The following NINL variants were observed in gnomAD, a reference collection of about 807,000 sequenced individuals.
NINL encodes the protein ninein-like protein.
NINL carries 153 observed loss-of-function variants against 160.3 expected under a neutral mutation model. The observed-to-expected ratio is 0.95, with a 90% CI of 0.84 to 1.09. The LOEUF (loss-of-function observed/expected upper bound fraction) is 1.09, where lower values mean the gene tolerates loss of function less well. NINL is among the 50% of genes least tolerant of loss of function. The pLI is 0.00. For synonymous variants in NINL, 800 were observed against 734.8 expected (o/e 1.09, Z -1.43); for missense variants, 1,829 against 1,764.0 (o/e 1.04, Z -0.66).
chr20:25,520,768 T>C (rs1196300968), intron 2 of NINL, among the ~76,000 whole-genome samples: 2 of 152,264 alleles, frequency 1.3e-5, no homozygotes, highest in African/African-American at 4.8e-5. Flanking sequence ...TCAATCTAAC[T>C]ATGGCTCACT....
intron 1 of NINL, among the ~76,000 whole-genome samples, chr20:25,582,344 A>G (rs901440595): frequency 3.9e-5 from 6 of 152,080 alleles, no homozygotes; most frequent in African/African-American, 1.4e-4. Context: ...AATTTGATGG[A>G]GTTAAATGTT....
intron 1 of NINL, among the ~76,000 whole-genome samples, chr20:25,536,872 T>G (rs1466507442): frequency 6.6e-6 from 1 of 152,188 alleles, no homozygotes; most frequent in East Asian, 1.9e-4. Context: ...CAGTGGCCAC[T>G]GGGGAGCCTA....
chr20:25,557,983 A>C (rs2064889024), intron 1 of NINL, among the ~76,000 whole-genome samples: 1 of 151,604 alleles, frequency 6.6e-6, no homozygotes, highest in Non-Finnish European at 1.5e-5. Flanking sequence ...ACAAAAAAAA[A>C]AAAAAAAATG....
intron 1 of NINL, among the ~76,000 whole-genome samples, chr20:25,573,022 C>T (rs1007491731): frequency 2.0e-5 from 3 of 152,122 alleles, no homozygotes; most frequent in South Asian, 2.1e-4. Flanking sequence ...ATAGGCCAGG[C>T]GTGGTGGCTC....
intron 18 of NINL, among the ~76,000 whole-genome samples, chr20:25,468,927 ACTGTCCTGTCCCTTG>A (rs2063006622): frequency 2.1e-5 from 2 of 93,672 alleles, no homozygotes; most frequent in African/African-American, 9.2e-5. Context: ...TGGGTGCCCC[ACTGTCCTGTCCCTTG>A]ACTCTCACTG....
Position 25,510,726 on chromosome 20 carries a change from A to G in NINL, c.465T>C (p.Asp155=). The G allele has an allele frequency of 1.2e-6, 2 of 1,613,724 alleles. No individual in the cohort carries two copies. Among genetic ancestry groups the G allele is most frequent in the Non-Finnish European group, 1.7e-6 (2 of 1,179,834 alleles). Residue 155 remains aspartate (D), a synonymous_variant, in exon 5 of 24, where the codon GAT becomes GAC. Coordinates refer to ENST00000278886, the MANE Select transcript of NINL (RefSeq NM_025176.6). The part of the protein sequence containing the change: ...SLESVESPKS[D]EEAESTKEAQ... ...CTTCTTTAGTGCTCTCGGCCTCTTC[A>G]TCTGACTTGGGACTCTGTAGAAAGA...
chr20:25,453,053 G>C lies in NINL; in HGVS notation c.*398C>G, dbSNP rs2090571662. On this transcript the variant is annotated 3_prime_UTR_variant, in exon 24 of 24. Transcript: ENST00000278886. ...TAAGCTTAAAGCAGAACAGTGAAAT[G>C]GCAAAACTGTACAGAGCCCTGACTT... The C allele has an allele frequency of 6.4e-6, 1 of 157,196 alleles. No individual in the cohort carries two copies. The highest frequency in any genetic ancestry group is 2.0e-4 in the South Asian group (1 of 4,882). The allele number at this position is 157,196 out of a possible 1,614,324, so 9.7% of individuals were successfully genotyped here. A position where few individuals can be genotyped will look rare whatever the true frequency, so the allele number is the denominator to read the frequency against.
chr20:25,576,648 G>A (rs2065118822), intron 1 of NINL, among the ~76,000 whole-genome samples: 1 of 151,812 alleles, frequency 6.6e-6, no homozygotes, highest in South Asian at 2.1e-4. Flanking sequence ...TTTTGGTAGA[G>A]ATGGGGTTTC....
intron 2 of NINL, among the ~76,000 whole-genome samples, chr20:25,521,281 T>G (rs1339739859): frequency 6.6e-6 from 1 of 152,248 alleles, no homozygotes; most frequent in Non-Finnish European, 1.5e-5. Context: ...GACATTTTAT[T>G]TGGTTCATTG....
chr20:25,477,779 T>C (rs552981633), intron 16 of NINL, among the ~76,000 whole-genome samples: 11 of 152,246 alleles, frequency 7.2e-5, no homozygotes, highest in Admixed American at 6.5e-4. Flanking sequence ...CACAAGGGCC[T>C]GGATGCTGAG....
intron 1 of NINL, among the ~76,000 whole-genome samples, chr20:25,545,839 A>C (rs1390442115): frequency 1.3e-5 from 2 of 152,180 alleles, no homozygotes; most frequent in Non-Finnish European, 2.9e-5. Context: ...TTCCTTTTCC[A>C]GGCCTTCTTC....
chr20:25,506,729 A>G (rs913410993), intron 5 of NINL, among the ~76,000 whole-genome samples: 3 of 152,324 alleles, frequency 2.0e-5, no homozygotes, highest in Admixed American at 6.5e-5. Context: ...CAACGGTCCC[A>G]TGGACACTGA....
chr20:25,542,277 A>C (rs2147059719), intron 1 of NINL, among the ~76,000 whole-genome samples: 1 of 152,354 alleles, frequency 6.6e-6, no homozygotes, highest in Admixed American at 6.5e-5. Flanking sequence ...CCTTTTGGGA[A>C]GGGAGAAACT....
chr20:25,577,072 C>T (rs552116316), intron 1 of NINL, among the ~76,000 whole-genome samples: 2 of 152,242 alleles, frequency 1.3e-5, no homozygotes, highest in African/African-American at 2.4e-5. Flanking sequence ...TGTGGGGTTC[C>T]GAAATTGGGC....
At chr20:25,538,641 G>T (rs943663068) in intron 1 of NINL, among the ~76,000 whole-genome samples, 11 of 152,166 alleles carry the variant, frequency 7.2e-5, no homozygotes, top group African/African-American at 2.7e-4. Context: ...CACAGTGATG[G>T]GTAGGACTGG....
At position 25,491,450 on chromosome 20, in the gene NINL, C is replaced by G. The variant is rs767396227; in HGVS notation, c.1386G>C (p.Trp462Cys). 16 of 1,614,026 alleles carry G rather than the reference C, an allele frequency of 9.9e-6. No individual in the cohort carries two copies. The highest frequency in any genetic ancestry group is 1.4e-5 in the Non-Finnish European group (16 of 1,180,020). ...CGGCCCTCTGCCTGTGGGCCTGCTC[C>G]CAGAACAGCTCTCGCTCCGCCTCCA... is the stretch of plus-strand genomic sequence containing the variant. ...SEVEAERELF[W>C]EQAHRQRAAL... Residue 462 changes from tryptophan to cysteine, a missense_variant, in exon 11 of 24, where the codon TGG becomes TGC. Physicochemically the swap from Trp to Cys is radical, Grantham distance 215. Transcript: ENST00000278886.
At chr20:25,461,304 G>A (rs2062779907) in intron 21 of NINL, among the ~76,000 whole-genome samples, 1 of 152,242 alleles carries the variant, frequency 6.6e-6, no homozygotes, top group South Asian at 2.1e-4. Context: ...TCCCTCGGGA[G>A]TAAACAGTCA....
chr20:25,575,870 T>C lies in NINL; in HGVS notation c.-12+9585A>G, dbSNP rs576891254. ...TTTCCCCTTTACCACAACCATTTTG[T>C]CATTTTCTCTCCCTCACTTCCTCCC... On this transcript the variant is annotated intron_variant, in intron 1 of 23. Coordinates refer to ENST00000278886, the MANE Select transcript of NINL (RefSeq NM_025176.6). 6.6e-5 allele frequency among the ~76,000 whole-genome samples: 10 copies of C among 152,278 alleles called. No individual in the cohort carries two copies. In the East Asian group the frequency reaches 1.9e-3, roughly 29 times the overall value.
In NINL at chr20:25,491,386, C is replaced by A. The variant is rs748938279; in HGVS notation, c.1450G>T (p.Ala484Ser). The A allele has an allele frequency of 1.2e-5, 20 of 1,611,594 alleles. No homozygotes were observed. In the East Asian group the frequency reaches 4.2e-4, roughly 34 times the overall value. ...AGGGTCAGCTTCTCGCGGAGGCCAGCCTCCTCAGCCTGCAGGCGCCCCACG... is the reference window on the plus strand; with the variant it reads ...AGGGTCAGCTTCTCGCGGAGGCCAGACTCCTCAGCCTGCAGGCGCCCCACG... The part of the protein sequence containing the change: ...WDVGRLQAEE[A>S]GLREKLTLAL... The change falls in exon 11 of 24, where the codon GCT becomes TCT. Residue 484 changes from alanine (A) to serine (S), a missense_variant. By Grantham distance (99) the Ala-to-Ser change is moderately conservative. Transcript: ENST00000278886.
Sources: gnomAD v4.1 joint callset for allele counts (sites outside exome capture counted in the v4.1 genomes callset) on GRCh38, gnomAD v4.1.1 for gene constraint, MANE v1.5 for transcripts, NCBI Gene and HGNC (gene_info 2026-07-23, HGNC 2026-07-21) for gene names.